PTPRD: variants seen among roughly 807,000 people sequenced by gnomAD.
PTPRD encodes the protein receptor-type tyrosine-protein phosphatase delta.
In PTPRD, 34 loss-of-function variants were observed where a neutral mutation model predicts 214.5. That is an observed-to-expected ratio of 0.16 (90% CI 0.12 to 0.21). PTPRD has a LOEUF of 0.21. PTPRD is among the 10% of genes least tolerant of loss of function. PTPRD has a pLI of 1.00. For missense variants in PTPRD, 2,545 were observed against 2,398.7 expected, an observed-to-expected ratio of 1.06 and a Z score of -1.27; for synonymous variants, 1,128 against 845.7, an observed-to-expected ratio of 1.33 and a Z score of -5.79.
chr9:8,773,273 C>T (rs2095314461), intron 11 of PTPRD, among the ~76,000 whole-genome samples: 1 of 151,882 alleles, frequency 6.6e-6, no homozygotes, highest in African/African-American at 2.4e-5. Context: ...TTCTGTATAG[C>T]TATCTGTCCT....
At chr9:9,998,051 G>A (rs1235928901) in intron 4 of PTPRD, among the ~76,000 whole-genome samples, 1 of 148,738 alleles carries the variant, frequency 6.7e-6, no homozygotes, top group Non-Finnish European at 1.5e-5. Flanking sequence ...GCCCCACACA[G>A]AGTTTCTTTC....
chr9:10,178,920 A>C (rs1442654876), intron 3 of PTPRD, among the ~76,000 whole-genome samples: 3 of 151,990 alleles, frequency 2.0e-5, no homozygotes, highest in Non-Finnish European at 4.4e-5. Context: ...TATGAGTCAC[A>C]AAAAAGTAAT....
chr9:10,277,274 A>G (rs1036631432), intron 3 of PTPRD, among the ~76,000 whole-genome samples: 1 of 152,214 alleles, frequency 6.6e-6, no homozygotes, highest in Non-Finnish European at 1.5e-5. Flanking sequence ...CCCTGAGTTG[A>G]GTTATAAACA....
At chr9:10,499,540 T>C (rs912375820) in intron 2 of PTPRD, among the ~76,000 whole-genome samples, 1 of 151,988 alleles carries the variant, frequency 6.6e-6, no homozygotes, top group Admixed American at 6.6e-5. Flanking sequence ...CTAATGAAAA[T>C]GTTTGAAAAG....
intron 11 of PTPRD, among the ~76,000 whole-genome samples, chr9:8,779,647 T>C (rs1170312021): frequency 6.6e-6 from 1 of 152,010 alleles, no homozygotes; most frequent in Non-Finnish European, 1.5e-5. Context: ...GATGCCACTA[T>C]CTCCTCAGCC....
At chr9:10,275,274 G>A (rs2094614856) in intron 3 of PTPRD, among the ~76,000 whole-genome samples, 1 of 152,044 alleles carries the variant, frequency 6.6e-6, no homozygotes, top group Non-Finnish European at 1.5e-5. Flanking sequence ...AAGGAAACTT[G>A]TTCTTTTCTT....
intron 2 of PTPRD, among the ~76,000 whole-genome samples, chr9:10,547,610 T>C (rs1488699095): frequency 6.6e-6 from 1 of 152,002 alleles, no homozygotes; most frequent in Non-Finnish European, 1.5e-5. Context: ...ATATGCTTCA[T>C]TCTAGTGTCT....
intron 2 of PTPRD, among the ~76,000 whole-genome samples, chr9:10,479,652 A>AATAAACACATAAATAC (rs2099084649): frequency 8.1e-6 from 1 of 124,096 alleles, no homozygotes; most frequent in African/African-American, 3.1e-5. Context: ...TAAATAAATA[A>AATAAACACATAAATAC]ATAAATAAAC....
intron 4 of PTPRD, among the ~76,000 whole-genome samples, chr9:9,972,674 C>A (rs1420184642): frequency 6.6e-6 from 1 of 152,150 alleles, no homozygotes; most frequent in Admixed American, 6.5e-5. Context: ...GTCAAGGTGT[C>A]AGCAAAGCTG....
chr9:8,597,902 T>G (rs1382198910), intron 14 of PTPRD, among the ~76,000 whole-genome samples: 1 of 152,220 alleles, frequency 6.6e-6, no homozygotes, highest in Non-Finnish European at 1.5e-5. Context: ...GTACTCATTT[T>G]TCTTGGACCA....
intron 12 of PTPRD, among the ~76,000 whole-genome samples, chr9:8,708,719 G>C (rs1258733020): frequency 6.9e-6 from 1 of 144,924 alleles, no homozygotes; most frequent in African/African-American, 2.5e-5. Context: ...GCTACCATGT[G>C]ATCCAGCAAT....
chr9:10,092,860 C>G (rs1306550451), intron 3 of PTPRD, among the ~76,000 whole-genome samples: 2 of 151,466 alleles, frequency 1.3e-5, no homozygotes, highest in African/African-American at 2.4e-5. Context: ...AAAAAGACTC[C>G]CTATTCAATT....
chr9:10,200,988 A>G (rs1444894481), intron 3 of PTPRD, among the ~76,000 whole-genome samples: 1 of 152,094 alleles, frequency 6.6e-6, no homozygotes, highest in Non-Finnish European at 1.5e-5. Flanking sequence ...ATATACTCAC[A>G]CAGCTAACTG....
chr9:9,687,518 G>T (rs1409428289), intron 7 of PTPRD, among the ~76,000 whole-genome samples: 1 of 144,892 alleles, frequency 6.9e-6, no homozygotes. Flanking sequence ...AATATAGGGA[G>T]AGCATAGGGC....
intron 3 of PTPRD, among the ~76,000 whole-genome samples, chr9:10,043,405 A>G (rs1022933119): frequency 6.6e-6 from 1 of 151,812 alleles, no homozygotes; most frequent in Non-Finnish European, 1.5e-5. Context: ...GTGATGTTTT[A>G]TCTATGGGGA....
At chr9:9,848,525 T>C (rs939523510) in intron 5 of PTPRD, among the ~76,000 whole-genome samples, 3 of 152,162 alleles carry the variant, frequency 2.0e-5, no homozygotes, top group Admixed American at 6.6e-5. Flanking sequence ...ATGAGAAGAC[T>C]GAGACTTTAA....
At chr9:8,654,806 G>A (rs2096878144) in intron 12 of PTPRD, among the ~76,000 whole-genome samples, 1 of 151,900 alleles carries the variant, frequency 6.6e-6, no homozygotes, top group Admixed American at 6.6e-5. Flanking sequence ...TTTATCCTTG[G>A]ATTTTAGTCA....
chr9:8,406,264 G>C (rs576281242), intron 35 of PTPRD, among the ~76,000 whole-genome samples: 1 of 152,120 alleles, frequency 6.6e-6, no homozygotes, highest in Non-Finnish European at 1.5e-5. Context: ...AGATGTCCTG[G>C]TGGAAGCCTT....
intron 10 of PTPRD, among the ~76,000 whole-genome samples, chr9:9,115,137 A>G (rs949841544): frequency 4.6e-5 from 7 of 152,062 alleles, no homozygotes; most frequent in Non-Finnish European, 8.8e-5. Context: ...TGGTAAAGGT[A>G]TTTCTGGTGG....
Sources: allele counts gnomAD v4.1 joint callset (sites outside exome capture counted in the v4.1 genomes callset), GRCh38; gene constraint gnomAD v4.1.1; transcripts MANE v1.5; gene names NCBI Gene and HGNC (gene_info 2026-07-23, HGNC 2026-07-21).